TMEM232: variants seen among roughly 807,000 people sequenced by gnomAD.
TMEM232 encodes the protein transmembrane protein 232.
A neutral mutation model predicts 78.8 loss-of-function variants in TMEM232; 80 were observed. The ratio of observed to expected loss-of-function variants is 1.01; its 90% CI spans 0.85 to 1.22. The LOEUF (loss-of-function observed/expected upper bound fraction) is 1.22, where lower values mean the gene tolerates loss of function less well. Ranked by LOEUF, TMEM232 falls within the 50% of genes most tolerant of loss-of-function variation. TMEM232 has a pLI of 0.00. For synonymous variants in TMEM232, 297 were observed against 254.3 expected (o/e 1.17, Z -1.60); for missense variants, 881 against 742.2 (o/e 1.19, Z -2.17).
chr5:110,586,582 A>G (rs1044124219), intron 10 of TMEM232, among the ~76,000 whole-genome samples: 3 of 152,070 alleles, frequency 2.0e-5, no homozygotes, highest in Non-Finnish European at 4.4e-5. Flanking sequence ...ACACACACAC[A>G]CACACACACA....
At chr5:110,700,781 GATA>G (rs1426629790) in intron 1 of TMEM232, among the ~76,000 whole-genome samples, 2,749 of 145,442 alleles carry the variant, frequency 0.019, 51 homozygotes, top group East Asian at 0.073. Flanking sequence ...TAGATAGATA[GATA>G]GGTAGATAGA....
chr5:110,406,796 A>G (rs1183782259), intron 2 of TMEM232, among the ~76,000 whole-genome samples: 2 of 152,144 alleles, frequency 1.3e-5, no homozygotes, highest in African/African-American at 4.8e-5. Context: ...TTAAGAGGTA[A>G]TTTTAAGAAT....
At chr5:110,668,596 A>G (rs1433496829) in intron 1 of TMEM232, among the ~76,000 whole-genome samples, 1 of 152,186 alleles carries the variant, frequency 6.6e-6, no homozygotes, top group Non-Finnish European at 1.5e-5. Flanking sequence ...CAAGCTCTCC[A>G]GGAATTGAAC....
At chr5:110,513,837 T>C (rs1768163576) in intron 12 of TMEM232, 1 of 167,986 alleles carries the variant, frequency 6.0e-6, no homozygotes, top group Non-Finnish European at 1.5e-5. Context: ...TTGTATTAGG[T>C]TGGTGCAAAA....
chr5:110,568,680 T>A (rs2149684761), intron 10 of TMEM232, 55 bp from the exon 11 acceptor site: 1 of 1,468,816 alleles, frequency 6.8e-7, no homozygotes, highest in South Asian at 1.3e-5. Flanking sequence ...CTTGCTAAAG[T>A]ATGATTGTGT....
intron 5 of TMEM232, among the ~76,000 whole-genome samples, chr5:110,635,520 A>G (rs1174312959): frequency 6.6e-6 from 1 of 152,056 alleles, no homozygotes; most frequent in Non-Finnish European, 1.5e-5. Context: ...GGAATCAAGA[A>G]TGATTCAACA....
At chr5:110,690,723 C>T (rs1156262491) in intron 1 of TMEM232, among the ~76,000 whole-genome samples, 1 of 152,054 alleles carries the variant, frequency 6.6e-6, no homozygotes, top group South Asian at 2.1e-4. Flanking sequence ...TGGAACCAAC[C>T]CAAATACTCA....
chr5:110,639,922 C>T (rs1014732129), intron 4 of TMEM232, among the ~76,000 whole-genome samples: 1 of 152,198 alleles, frequency 6.6e-6, no homozygotes, highest in Non-Finnish European at 1.5e-5. Context: ...CCTGGCTGCT[C>T]ACAGCCTGTT....
intron 12 of TMEM232, among the ~76,000 whole-genome samples, chr5:110,446,973 G>A (rs944026848): frequency 6.6e-6 from 1 of 151,772 alleles, no homozygotes; most frequent in African/African-American, 2.4e-5. Flanking sequence ...ATGGAATTGA[G>A]GACCCTCGTA....
At chr5:110,708,038 G>A (rs1796114876) in intron 1 of TMEM232, among the ~76,000 whole-genome samples, 2 of 152,070 alleles carry the variant, frequency 1.3e-5, no homozygotes, top group Non-Finnish European at 2.9e-5. Flanking sequence ...ATGAGCCTTG[G>A]GTGAGACTCT....
chr5:110,639,642 A>C (rs1156793164), intron 4 of TMEM232, among the ~76,000 whole-genome samples: 1 of 152,192 alleles, frequency 6.6e-6, no homozygotes, highest in African/African-American at 2.4e-5. Context: ...AAAGTACAGG[A>C]AATGTAGCTG....
chr5:110,523,758 C>A, intron 12 of TMEM232, among the ~76,000 whole-genome samples: 1 of 151,784 alleles, frequency 6.6e-6, no homozygotes, highest in Non-Finnish European at 1.5e-5. Flanking sequence ...TTTGAGACTA[C>A]CCTGGGCAAT....
At chr5:110,544,042 A>T (rs1773478990) in intron 11 of TMEM232, among the ~76,000 whole-genome samples, 1 of 152,132 alleles carries the variant, frequency 6.6e-6, no homozygotes, top group African/African-American at 2.4e-5. Context: ...TAAATTTACT[A>T]CTATTTAGCC....
At chr5:110,544,617 TCA>T (rs1482580624) in intron 11 of TMEM232, among the ~76,000 whole-genome samples, 2 of 152,192 alleles carry the variant, frequency 1.3e-5, no homozygotes, top group Non-Finnish European at 2.9e-5. Context: ...TTCCCTTCTC[TCA>T]CAGTCTCTCT....
chr5:110,684,102 C>T (rs1793093261), intron 1 of TMEM232, among the ~76,000 whole-genome samples: 1 of 151,790 alleles, frequency 6.6e-6, no homozygotes, highest in Admixed American at 6.6e-5. Flanking sequence ...CTAAAACAAA[C>T]ATGATAATTA....
chr5:110,498,993 G>C (rs771859836), intron 12 of TMEM232, among the ~76,000 whole-genome samples: 1 of 152,022 alleles, frequency 6.6e-6, no homozygotes, highest in African/African-American at 2.4e-5. Context: ...ACAATAATAA[G>C]GAGGCTTTGA....
chr5:110,484,719 TTAATAA>T (rs1012208688), intron 12 of TMEM232, among the ~76,000 whole-genome samples: 13 of 152,056 alleles, frequency 8.5e-5, no homozygotes, highest in African/African-American at 2.6e-4. Flanking sequence ...AAAAAGATAT[TTAATAA>T]TAATAAAGTG....
intron 10 of TMEM232, among the ~76,000 whole-genome samples, chr5:110,597,351 A>G (rs1780299805): frequency 6.6e-6 from 1 of 152,162 alleles, no homozygotes. Context: ...CCACTGCTCA[A>G]TGAAATAAAA....
intron 12 of TMEM232, among the ~76,000 whole-genome samples, chr5:110,466,587 T>C (rs1430276165): frequency 6.6e-6 from 1 of 151,862 alleles, no homozygotes. Flanking sequence ...TATTTAGTTC[T>C]AGATTTTAAG....
Sources: allele counts gnomAD v4.1 joint callset (sites outside exome capture counted in the v4.1 genomes callset), GRCh38; gene constraint gnomAD v4.1.1; transcripts MANE v1.5; gene names NCBI Gene and HGNC (gene_info 2026-07-23, HGNC 2026-07-21).